Variants in WASF2 observed in about 807,000 individuals in gnomAD.
WASF2 encodes actin-binding protein WASF2.
WASF2 carries 14 observed loss-of-function variants against 45.0 expected under a neutral mutation model. That is an observed-to-expected ratio of 0.31 (90% confidence interval 0.21 to 0.49). WASF2 has a LOEUF of 0.49. WASF2 is among the 20% of genes least tolerant of loss of function. The pLI is 0.99. For synonymous variants in WASF2, 200 were observed against 236.3 expected (o/e 0.85, Z 1.41); for missense variants, 439 against 636.1 (o/e 0.69, Z 3.33).
At position 27,408,132 on chromosome 1, in the gene WASF2, A is replaced by G. The variant is rs1259040870; in HGVS notation, c.*57T>C. The G allele has an allele frequency of 1.4e-5, 22 of 1,584,762 alleles. No homozygotes were observed. The Middle Eastern group carries it at 5.0e-4, about 36-fold the overall frequency. On this transcript the variant is annotated 3_prime_UTR_variant, in exon 9 of 9. Transcript: ENST00000618852. The stretch of plus-strand genomic sequence containing the variant: ...CCCCTACGGGTCTGTTGGGGTTGGC[A>G]TCAAAGAAGGCAGGTAGGAAGGAAA...
rs1257614493 is a variant in WASF2, at chr1:27,414,760, A to C, written c.668+73T>G. ...GACTTCAGGGGGTGTGAAAGGTGTC[A>C]CACCAGAGCTGTCAGACTGTTGTCC... On this transcript the variant is annotated intron_variant, in intron 6 of 8. Transcript: ENST00000618852. This position sits in a 1 kb window ranked among gnomAD's most constrained non-coding sequence, Gnocchi z 4.1. The C allele has an allele frequency of 1.5e-5, 24 of 1,565,526 alleles. No individual in the cohort carries two copies. Among genetic ancestry groups the C allele is most frequent in the Non-Finnish European group, 2.1e-5 (24 of 1,154,760 alleles).
At chr1:27,452,723 C>T (rs561943603) in intron 1 of WASF2, among the ~76,000 whole-genome samples, 226 of 151,406 alleles carry the variant, frequency 1.5e-3, no homozygotes, top group African/African-American at 4.9e-3. Flanking sequence ...CAGGCTGAGG[C>T]AGGAGAATTG....
At chr1:27,468,936 A>C (rs1001913063) in intron 1 of WASF2, among the ~76,000 whole-genome samples, 6 of 151,886 alleles carry the variant, frequency 4.0e-5, no homozygotes, top group African/African-American at 1.4e-4. Context: ...AAAAAAAAAA[A>C]AAAAGGAGAC....
At chr1:27,478,479 T>G (rs1000016163) in intron 1 of WASF2, among the ~76,000 whole-genome samples, 2 of 152,188 alleles carry the variant, frequency 1.3e-5, no homozygotes, top group African/African-American at 4.8e-5. Context: ...AAATTTAATA[T>G]GTGGGGATAG....
chr1:27,475,525 T>C (rs2017754155), intron 1 of WASF2, among the ~76,000 whole-genome samples: 1 of 152,246 alleles, frequency 6.6e-6, no homozygotes, highest in Non-Finnish European at 1.5e-5. Flanking sequence ...CAGAGAAGCC[T>C]TTCCTGACCA....
At chr1:27,419,800 G>A (rs1381930810) in intron 2 of WASF2, among the ~76,000 whole-genome samples, 2 of 152,180 alleles carry the variant, frequency 1.3e-5, no homozygotes, top group African/African-American at 4.8e-5. Context: ...ACTATGATCA[G>A]TTGTGTTATC....
chr1:27,430,527 A>AT (rs1424825922), intron 1 of WASF2, among the ~76,000 whole-genome samples: 1 of 151,576 alleles, frequency 6.6e-6, no homozygotes, highest in Non-Finnish European at 1.5e-5. Flanking sequence ...CGCCCAGCTA[A>AT]TTTTTGTATT....
intron 2 of WASF2, among the ~76,000 whole-genome samples, chr1:27,424,830 A>G (rs939508372): frequency 7.2e-5 from 11 of 152,196 alleles, no homozygotes; most frequent in Non-Finnish European, 1.3e-4. Flanking sequence ...TAATTGAGAC[A>G]TAGGTGATTT....
chr1:27,468,880 G>A (rs1049778758), intron 1 of WASF2, among the ~76,000 whole-genome samples: 1 of 145,216 alleles, frequency 6.9e-6, no homozygotes, highest in Middle Eastern at 3.5e-3. Flanking sequence ...CTGAGATCGC[G>A]CCACTGCACT....
chr1:27,405,647 G>C lies in WASF2; in HGVS notation c.*2542C>G, dbSNP rs539625922. ...TTTTTTTTTTGGTGCATATGCATAA[G>C]TGGAGCCCAGAGGGCCTCTCGGCTC... On this transcript the variant is annotated 3_prime_UTR_variant, in exon 9 of 9. Coordinates refer to ENST00000618852, the MANE Select transcript of WASF2 (RefSeq NM_006990.5). 1 of 122,758 alleles carries C rather than the reference G, an allele frequency of 8.1e-6. No individual in the cohort carries two copies. Among genetic ancestry groups the C allele is most frequent in the Non-Finnish European group, 1.6e-5 (1 of 63,008 alleles). 7.6% of individuals were successfully genotyped at this position (122,758 alleles called of 1,614,324 possible).
rs1389818867 is a variant in WASF2 at position 27,405,011 on chromosome 1, AG to A, written c.*3177del. On this transcript the variant is annotated 3_prime_UTR_variant, in exon 9 of 9. Coordinates refer to ENST00000618852, the MANE Select transcript of WASF2 (RefSeq NM_006990.5). ...AAGTCAGGTGAGGGGCCGCAGTGGG[AG>A]GCAGTCCTAGAGCAGAGCTGGGACA... 2.6e-5 allele frequency: 4 copies of A among 154,720 alleles called. No homozygotes were observed. The highest frequency in any genetic ancestry group is 5.8e-5 in the Non-Finnish European group (4 of 68,920). 9.6% of individuals were successfully genotyped at this position (154,720 alleles called of 1,614,324 possible).
intron 7 of WASF2, among the ~76,000 whole-genome samples, chr1:27,412,134 A>C (rs2016769779): frequency 6.6e-6 from 1 of 152,238 alleles, no homozygotes; most frequent in Non-Finnish European, 1.5e-5. Context: ...CAACATATAC[A>C]TACAGTGTTA....
At chr1:27,431,359 C>T (rs2017060865) in intron 1 of WASF2, among the ~76,000 whole-genome samples, 1 of 152,126 alleles carries the variant, frequency 6.6e-6, no homozygotes, top group African/African-American at 2.4e-5. Flanking sequence ...AAGATGCAAT[C>T]TTCAGTAACA....
intron 1 of WASF2, among the ~76,000 whole-genome samples, chr1:27,449,780 G>C (rs2017359210): frequency 6.6e-6 from 1 of 151,940 alleles, no homozygotes; most frequent in Non-Finnish European, 1.5e-5. Context: ...CATCCCACCA[G>C]GTCACGAGAG....
chr1:27,477,878 T>G (rs573488615), intron 1 of WASF2, among the ~76,000 whole-genome samples: 3 of 83,268 alleles, frequency 3.6e-5, no homozygotes, highest in Non-Finnish European at 6.1e-5. Flanking sequence ...CAGCCTGGGC[T>G]ACAGAGCGAG....
intron 1 of WASF2, among the ~76,000 whole-genome samples, chr1:27,462,347 G>A (rs1557615767): frequency 6.6e-6 from 1 of 151,990 alleles, no homozygotes; most frequent in African/African-American, 2.4e-5. Flanking sequence ...ACTTCAATGG[G>A]TTATTTTCTA....
chr1:27,417,196 C>T (rs902217506), intron 4 of WASF2, among the ~76,000 whole-genome samples: 6 of 152,156 alleles, frequency 3.9e-5, no homozygotes, highest in African/African-American at 1.4e-4. Flanking sequence ...TGCAATCCCA[C>T]CACACAAACC....
chr1:27,454,221 G>T (rs1208394404), intron 1 of WASF2, among the ~76,000 whole-genome samples: 14 of 122,986 alleles, frequency 1.1e-4, no homozygotes, highest in African/African-American at 4.2e-4. Context: ...AAGATACAGG[G>T]TCTTACTTTG....
At chr1:27,474,933 C>G (rs1447805949) in intron 1 of WASF2, among the ~76,000 whole-genome samples, 1 of 151,894 alleles carries the variant, frequency 6.6e-6, no homozygotes, top group African/African-American at 2.4e-5. Flanking sequence ...GCCTAGGTGA[C>G]AGAGTGGGAT....
Sources: allele counts gnomAD v4.1 joint callset (sites outside exome capture counted in the v4.1 genomes callset), GRCh38; gene constraint gnomAD v4.1.1; non-coding constraint Gnocchi (gnomAD v3.1); transcripts MANE v1.5; gene names NCBI Gene and HGNC (gene_info 2026-07-23, HGNC 2026-07-21).